CBLL1: variants seen among roughly 807,000 people sequenced by gnomAD.
CBLL1 encodes the protein E3 ubiquitin-protein ligase Hakai.
CBLL1 carries 4 observed loss-of-function variants against 44.9 expected under a neutral mutation model. The observed-to-expected ratio is 0.09, with a 90% CI of 0.04 to 0.20. The LOEUF (loss-of-function observed/expected upper bound fraction) is 0.20. Among genes scored for constraint, CBLL1 ranks in the 10% least tolerant of loss-of-function variants. The probability of loss-of-function intolerance (pLI) is 1.00; values close to 1 mark genes in which losing one functional copy is unlikely to be tolerated. For missense variants in CBLL1, 569 were observed against 636.7 expected, an observed-to-expected ratio of 0.89 and a Z score of 1.14; for synonymous variants, 235 against 202.2, an observed-to-expected ratio of 1.16 and a Z score of -1.38.
Position 107,761,164 on chromosome 7 carries a change from GC to G in CBLL1, c.*1988del, listed in dbSNP as rs1793744040. On this transcript the variant is annotated 3_prime_UTR_variant, in exon 6 of 6. Transcript: ENST00000440859. ...CTTTGTTCCATGTAATAAGAAAATA[GC>G]CAAAATCACTTTAGAGCTTCTCAAC... 1 of 152,070 alleles carries G rather than the reference GC, an allele frequency of 6.6e-6. No individual in the cohort carries two copies. The highest frequency in any genetic ancestry group is 2.4e-5 in the African/African-American group (1 of 41,420). 9.4% of individuals were successfully genotyped at this position (152,070 alleles called of 1,614,324 possible).
intron 2 of CBLL1, chr7:107,752,592 T>G: frequency 7.8e-7 from 1 of 1,289,042 alleles, no homozygotes; most frequent in Non-Finnish European, 1.0e-6. Flanking sequence ...TGGAGGGATA[T>G]ATTTGTCTGC....
intron 4 of CBLL1, 144 bp from the exon 5 acceptor site, chr7:107,755,274 A>T: frequency 3.1e-6 from 1 of 327,508 alleles, no homozygotes; most frequent in Non-Finnish European, 5.5e-6. Flanking sequence ...GAAAAAGGTT[A>T]TTATAATTAG....
chr7:107,754,158 GAATTCTTAT>G (rs1793430113), intron 4 of CBLL1, 180 bp downstream of exon 4: 1 of 366,422 alleles, frequency 2.7e-6, no homozygotes, highest in African/African-American at 2.1e-5. Context: ...ACAAATTGTT[GAATTCTTAT>G]AAAATATTAA....
intron 4 of CBLL1, among the ~76,000 whole-genome samples, chr7:107,754,964 T>C (rs924829732): frequency 2.4e-4 from 37 of 151,826 alleles, no homozygotes; most frequent in Admixed American, 1.3e-4. Context: ...GTCTGTACAA[T>C]AAAATAAAAT....
chr7:107,755,289 T>C (rs1287049954), intron 4 of CBLL1, 129 bp from the exon 5 acceptor site: 2 of 350,024 alleles, frequency 5.7e-6, no homozygotes, highest in Non-Finnish European at 1.0e-5. Flanking sequence ...AATTAGTACT[T>C]AATAAATGTT....
intron 5 of CBLL1, 113 bp downstream of exon 5, chr7:107,755,604 A>C (rs1268940895): frequency 1.4e-5 from 7 of 510,314 alleles, no homozygotes; most frequent in Non-Finnish European, 2.0e-5. Flanking sequence ...TGAAACATAC[A>C]GACATGGCTA....
rs990259500 is a variant in CBLL1 at position 107,749,218 on chromosome 7, A to G, written c.181+171A>G. 1.2e-5 allele frequency: 6 copies of G among 509,566 alleles called. No homozygotes were observed. In the Admixed American group the frequency reaches 2.5e-4, roughly 21 times the overall value. The allele number at this position is 509,566 out of a possible 1,614,324, so 31.6% of individuals were successfully genotyped here. On this transcript the variant is annotated intron_variant, in intron 2 of 5. Transcript: ENST00000440859. ...ATTGTATTTTTATTTTCCTTTATAAATATTTTTTGATTTGGTTCCTTTTGT... is the reference window on the plus strand; with the variant it reads ...ATTGTATTTTTATTTTCCTTTATAAGTATTTTTTGATTTGGTTCCTTTTGT...
intron 3 of CBLL1, 73 bp from the exon 4 acceptor site, chr7:107,753,822 T>C (rs1793414107): frequency 1.1e-6 from 1 of 919,334 alleles, no homozygotes; most frequent in Non-Finnish European, 1.6e-6. Context: ...TATAAAATAT[T>C]GACCAATTCA....
intron 3 of CBLL1, 59 bp downstream of exon 3, chr7:107,753,570 T>A (rs867537475): frequency 1.0e-6 from 1 of 953,596 alleles, no homozygotes; most frequent in African/African-American, 1.7e-5. Flanking sequence ...TATTAAATAC[T>A]TAAAATGTTT....
chr7:107,758,393 C>T lies in CBLL1; in HGVS notation c.691C>T (p.His231Tyr). Residue 231 changes from histidine (H) to tyrosine (Y), a missense_variant, in exon 6 of 6, where the codon CAT becomes TAT. Physicochemically the swap from His to Tyr is moderately conservative, Grantham distance 83. This residue lies in a region of CBLL1 where 111 missense variants were observed against 113.0 expected (regional missense o/e 0.98). Coordinates refer to ENST00000440859, the MANE Select transcript of CBLL1 (RefSeq NM_024814.4). The surrounding 1 kb of genome is among the most constrained non-coding windows in gnomAD (Gnocchi z 4.2). ...GCCACCAGACAAGCACCATATGAGC[C>T]ATATTCCGCCAAAGCAGCACATCAT... The part of the protein sequence containing the change: ...IMPPDKHHMS[H>Y]IPPKQHIMMP... 1 of 1,614,152 alleles carries T rather than the reference C, an allele frequency of 6.2e-7. No individual in the cohort carries two copies. Among genetic ancestry groups the T allele is most frequent in the Non-Finnish European group, 8.5e-7 (1 of 1,180,024 alleles).
intron 2 of CBLL1, among the ~76,000 whole-genome samples, chr7:107,751,368 A>G (rs1793283626): frequency 6.6e-6 from 1 of 152,050 alleles, no homozygotes; most frequent in Non-Finnish European, 1.5e-5. Context: ...GGCCAAGGGT[A>G]CTGGTCCAAG....
rs1793721937 is a variant in CBLL1, at chr7:107,760,491, G to A, written c.*1313G>A. 1 of 152,110 alleles carries A rather than the reference G, an allele frequency of 6.6e-6. No individual in the cohort carries two copies. The highest frequency in any genetic ancestry group is 6.6e-5 in the Admixed American group (1 of 15,240). The allele number at this position is 152,110 out of a possible 1,614,324, so 9.4% of individuals were successfully genotyped here. A position where few individuals can be genotyped will look rare whatever the true frequency, so the allele number is the denominator to read the frequency against. On this transcript the variant is annotated 3_prime_UTR_variant, in exon 6 of 6. Transcript: ENST00000440859. Reference sequence around the variant, plus strand: ...TTCAGTGCTTTACATGGTGCCTTTCGAGTCAGCTTTTACATTATAGGGGCT... The same window carrying A: ...TTCAGTGCTTTACATGGTGCCTTTCAAGTCAGCTTTTACATTATAGGGGCT...
intron 1 of CBLL1, chr7:107,744,721 A>G (rs1320198230): frequency 6.5e-6 from 1 of 153,868 alleles, no homozygotes; most frequent in East Asian, 1.9e-4. Context: ...AACTCGGAGC[A>G]GTTTTTCTAC....
At position 107,744,186 on chromosome 7, in the gene CBLL1, C is replaced by A; in HGVS notation, c.13+10C>A. On this transcript the variant is annotated intron_variant, in intron 1 of 5. Transcript: ENST00000440859. ...ATCATGGATCACACTGGTAAGGAGG[C>A]GGAGGCAGTGGGGGTCCCGGTTCCA... The A allele has an allele frequency of 1.9e-6, 3 of 1,548,716 alleles. No individual in the cohort carries two copies. The highest frequency in any genetic ancestry group is 1.2e-5 in the South Asian group (1 of 83,790).
Position 107,758,986 on chromosome 7 carries a change from A to G in CBLL1, c.1284A>G (p.Ser428=). The part of the protein sequence containing the change: ...APPPHHYNPN[S]LPQFTEDQGT... ...CTCCTCACCATTATAATCCTAACTCATTACCCCAGTTCACTGAAGATCAAG... is the reference window on the plus strand; with the variant it reads ...CTCCTCACCATTATAATCCTAACTCGTTACCCCAGTTCACTGAAGATCAAG... The change falls in exon 6 of 6, where the codon TCA becomes TCG. Residue 428 remains serine, a synonymous_variant. Coordinates refer to ENST00000440859, the MANE Select transcript of CBLL1 (RefSeq NM_024814.4). The surrounding 1 kb of genome is among the most constrained non-coding windows in gnomAD (Gnocchi z 4.2). The G allele has an allele frequency of 1.2e-6, 2 of 1,613,752 alleles. No homozygotes were observed. Among genetic ancestry groups the G allele is most frequent in the Non-Finnish European group, 1.7e-6 (2 of 1,179,884 alleles).
intron 2 of CBLL1, among the ~76,000 whole-genome samples, chr7:107,749,938 T>TA (rs1793207577): frequency 1.3e-5 from 2 of 150,270 alleles, no homozygotes; most frequent in African/African-American, 4.9e-5. Flanking sequence ...GTATATATAT[T>TA]TTTTTGTTTG....
At chr7:107,749,809 T>C (rs1164855627) in intron 2 of CBLL1, among the ~76,000 whole-genome samples, 5 of 152,280 alleles carry the variant, frequency 3.3e-5, no homozygotes, top group African/African-American at 1.2e-4. Flanking sequence ...GTAAATTTAT[T>C]TTAATTATGA....
Position 107,759,418 on chromosome 7 carries a change from C to T in CBLL1, c.*240C>T. On this transcript the variant is annotated 3_prime_UTR_variant, in exon 6 of 6. Coordinates refer to ENST00000440859, the MANE Select transcript of CBLL1 (RefSeq NM_024814.4). ...TATATTTTAACATCTCTTTGTTCCC[C>T]TAGTTTAGTAAATTGACCCAGAGGT... 5.2e-6 allele frequency: 2 copies of T among 380,970 alleles called. No individual in the cohort carries two copies. Among genetic ancestry groups the T allele is most frequent in the Admixed American group, 4.1e-5 (1 of 24,568 alleles). The allele number at this position is 380,970 out of a possible 1,614,324, so 23.6% of individuals were successfully genotyped here. A position where few individuals can be genotyped will look rare whatever the true frequency, so the allele number is the denominator to read the frequency against.
At chr7:107,744,229 T>C in intron 1 of CBLL1, 53 bp downstream of exon 1, 2 of 1,512,950 alleles carry the variant, frequency 1.3e-6, no homozygotes, top group Non-Finnish European at 1.8e-6. Context: ...TTGGCCGGCC[T>C]GGGGCTGGTC....
Sources: allele counts gnomAD v4.1 joint callset (sites outside exome capture counted in the v4.1 genomes callset), GRCh38; gene constraint gnomAD v4.1.1; regional missense constraint gnomAD v4.1.1; non-coding constraint Gnocchi (gnomAD v3.1); transcripts MANE v1.5; gene names NCBI Gene and HGNC (gene_info 2026-07-23, HGNC 2026-07-21).